The following GLYCTK variants were observed in gnomAD, a reference collection of about 807,000 sequenced individuals.
The protein encoded by GLYCTK is HBeAg binding protein 4.
A neutral mutation model predicts 24.8 loss-of-function variants in GLYCTK; 22 were observed. The ratio of observed to expected loss-of-function variants is 0.89; its 90% CI spans 0.63 to 1.27. The LOEUF (loss-of-function observed/expected upper bound fraction) is 1.27, where lower values mean the gene tolerates loss of function less well. GLYCTK is among the 50% of genes most tolerant of loss of function. GLYCTK has a pLI of 0.00. For missense variants in GLYCTK, 684 were observed against 686.7 expected, an observed-to-expected ratio of 1.00 and a Z score of 0.04; for synonymous variants, 320 against 297.2, an observed-to-expected ratio of 1.08 and a Z score of -0.79.
rs964613249 is a variant in GLYCTK at position 52,293,906 on chromosome 3, A to G, written c.*780A>G. 5 of 453,918 alleles carry G rather than the reference A, an allele frequency of 1.1e-5. No homozygotes were observed. Among genetic ancestry groups the G allele is most frequent in the African/African-American group, 1.0e-4 (5 of 50,002 alleles). 28.1% of individuals were successfully genotyped at this position (453,918 alleles called of 1,614,324 possible). A position where few individuals can be genotyped will look rare whatever the true frequency, so the allele number is the denominator to read the frequency against. On this transcript the variant is annotated 3_prime_UTR_variant, in exon 5 of 5. Coordinates refer to ENST00000436784, the MANE Select transcript of GLYCTK (RefSeq NM_145262.4). ...TGAGCTGAAGTTTGTCCCACCCCCCAGTGCTGTTTCCTTGTGACAGCCCTT... is the reference window on the plus strand; with the variant it reads ...TGAGCTGAAGTTTGTCCCACCCCCCGGTGCTGTTTCCTTGTGACAGCCCTT...
At position 52,292,652 on chromosome 3, in the gene GLYCTK, T is replaced by C. The variant is rs1460893254; in HGVS notation, c.1098T>C (p.Ala366=). The change falls in exon 5 of 5, where the codon GCT becomes GCC. Residue 366 remains alanine, a synonymous_variant. Coordinates refer to ENST00000436784, the MANE Select transcript of GLYCTK (RefSeq NM_145262.4). ...GCCTCACCCCATCCATGGCTGGGGC[T>C]TCTGTGGAGGAAGATGCACAGCTCC... ...RTRLTPSMAG[A]SVEEDAQLHE... 7 of 1,606,566 alleles carry C rather than the reference T, an allele frequency of 4.4e-6. No individual in the cohort carries two copies. The highest frequency in any genetic ancestry group is 6.0e-6 in the Non-Finnish European group (7 of 1,174,564).
At position 52,290,520 on chromosome 3, in the gene GLYCTK, T is replaced by C. The variant is rs868840200; in HGVS notation, c.178T>C (p.Ser60Pro). ...LPGPMLHRAL[S>P]LDPGGRQLKV... ...GGGCCCCATGCTGCACCGGGCACTA[T>C]CCTTGGACCCTGGTGGCAGACAGCT... The change falls in exon 2 of 5, where the codon TCC becomes CCC. Residue 60 changes from serine to proline, a missense_variant. Transcript: ENST00000436784. 1 of 1,613,572 alleles carries C rather than the reference T, an allele frequency of 6.2e-7. No homozygotes were observed.
rs1700463685 is a variant in GLYCTK, at chr3:52,291,356, A to G, written c.529+245A>G. 7.8e-5 allele frequency: 47 copies of G among 600,206 alleles called. 1 individual carries two copies. In the South Asian group the frequency reaches 9.2e-4, roughly 12 times the overall value. 37.2% of individuals were successfully genotyped at this position (600,206 alleles called of 1,614,324 possible). On this transcript the variant is annotated intron_variant, in intron 3 of 4. Transcript: ENST00000436784. Reference sequence around the variant, plus strand: ...CAGTGAGAGGGTGCATGGGGAGCACATAATGCAGGGCCTGACACATCCGTA... The same window carrying G: ...CAGTGAGAGGGTGCATGGGGAGCACGTAATGCAGGGCCTGACACATCCGTA...
At chr3:52,291,494 C>T in intron 3 of GLYCTK, 2 of 586,212 alleles carry the variant, frequency 3.4e-6, no homozygotes, top group Non-Finnish European at 6.1e-6. Flanking sequence ...GTGCCCCCTG[C>T]CCTGCCTCCT....
rs1380313212 is a variant in GLYCTK, at chr3:52,293,289, A to G, written c.*163A>G. 1.2e-5 allele frequency: 9 copies of G among 757,984 alleles called. No homozygotes were observed. Among genetic ancestry groups the G allele is most frequent in the Non-Finnish European group, 1.8e-5 (8 of 436,542 alleles). 47.0% of individuals were successfully genotyped at this position (757,984 alleles called of 1,614,324 possible). A position where few individuals can be genotyped will look rare whatever the true frequency, so the allele number is the denominator to read the frequency against. On this transcript the variant is annotated 3_prime_UTR_variant, in exon 5 of 5. Transcript: ENST00000436784. ...ACCTTCCACTCAGGGCCTCTGCTCT[A>G]TATCTATTCCCTTCCAGCCAGACTG...
At chr3:52,290,193 C>CT in intron 1 of GLYCTK, 111 bp from the exon 2 acceptor site, 1 of 860,586 alleles carries the variant, frequency 1.2e-6, no homozygotes, top group Non-Finnish European at 1.7e-6. Context: ...ATGGCTCCTT[C>CT]TTGTAGCAGC....
rs1227710667 is a variant in GLYCTK at position 52,292,269 on chromosome 3, C to T, written c.715C>T (p.Leu239Phe). ...GGTGGCCCTTCCCCAGGTGGTGAGC[C>T]TCATCCTGTCAGATGTGGTGGGGGA... ...QAAYPAQVVSLILSDVVGDPV... is the reference protein window; with the variant it reads ...QAAYPAQVVSFILSDVVGDPV... Residue 239 changes from leucine (L) to phenylalanine (F), a missense_variant, in exon 5 of 5, where the codon CTC (leucine) becomes TTC (phenylalanine). Transcript: ENST00000436784. 2.5e-6 allele frequency: 4 copies of T among 1,613,960 alleles called. No individual in the cohort carries two copies. In the Admixed American group the frequency reaches 5.0e-5, roughly 20 times the overall value.
In GLYCTK at chr3:52,293,350, G is replaced by T. The variant is rs911399155; in HGVS notation, c.*224G>T. ...GCTTCCCCCTACCCCTGAGGATGAG[G>T]ACAAGCCCCTCGGCCAGTTCAGCGT... is the stretch of plus-strand genomic sequence containing the variant. On this transcript the variant is annotated 3_prime_UTR_variant, in exon 5 of 5. Transcript: ENST00000436784. 1.6e-5 allele frequency: 11 copies of T among 699,636 alleles called. No homozygotes were observed. In the Admixed American group the frequency reaches 1.8e-4, roughly 12 times the overall value. 43.3% of individuals were successfully genotyped at this position (699,636 alleles called of 1,614,324 possible).
chr3:52,293,634 G>C lies in GLYCTK; in HGVS notation c.*508G>C, dbSNP rs772413663. ...GATGTGCCTCGCATAACGGGAGCCT[G>C]TGCCCATCCCTCTGGAGTGTGTGAG... is the stretch of plus-strand genomic sequence containing the variant. On this transcript the variant is annotated 3_prime_UTR_variant, in exon 5 of 5. Coordinates refer to ENST00000436784, the MANE Select transcript of GLYCTK (RefSeq NM_145262.4). 1 of 454,552 alleles carries C rather than the reference G, an allele frequency of 2.2e-6. No individual in the cohort carries two copies. The highest frequency in any genetic ancestry group is 4.4e-6 in the Non-Finnish European group (1 of 227,152). 28.2% of individuals were successfully genotyped at this position (454,552 alleles called of 1,614,324 possible).
chr3:52,291,061 A>G lies in GLYCTK; in HGVS notation c.479A>G (p.Gln160Arg). 1 of 1,613,432 alleles carries G rather than the reference A, an allele frequency of 6.2e-7. No homozygotes were observed. Among genetic ancestry groups the G allele is most frequent in the East Asian group, 2.2e-5 (1 of 44,882 alleles). ...DALRAALAIQ[Q>R]LAEGLTADDL... Reference sequence around the variant, plus strand: ...CTGCGGGCTGCACTGGCCATCCAGCAACTGGCTGAGGGACTCACAGCTGAT... The same window carrying G: ...CTGCGGGCTGCACTGGCCATCCAGCGACTGGCTGAGGGACTCACAGCTGAT... The change falls in exon 3 of 5, where the codon CAA becomes CGA. Residue 160 changes from glutamine to arginine, a missense_variant. Gln to Arg is a conservative substitution (Grantham distance 43). Transcript: ENST00000436784.
chr3:52,292,519 A>G lies in GLYCTK; in HGVS notation c.965A>G (p.Gln322Arg). Residue 322 changes from glutamine to arginine, a missense_variant, in exon 5 of 5, where the codon CAG (glutamine) becomes CGG (arginine). Transcript: ENST00000436784. ...CTGGCGCTAGCTGAGGCCCAGCGGC[A>G]GGCCGAGGCACTGGGCTACCAGGCT... ...NVLALAEAQR[Q>R]AEALGYQAVV... The G allele has an allele frequency of 1.2e-6, 2 of 1,613,802 alleles. No individual in the cohort carries two copies. Among genetic ancestry groups the G allele is most frequent in the Admixed American group, 1.7e-5 (1 of 60,020 alleles).
At position 52,293,958 on chromosome 3, in the gene GLYCTK, T is replaced by G. The variant is rs1194173035; in HGVS notation, c.*832T>G. The G allele has an allele frequency of 4.5e-6, 2 of 447,928 alleles. No homozygotes were observed. Among genetic ancestry groups the G allele is most frequent in the South Asian group, 3.1e-5 (2 of 63,822 alleles). 27.7% of individuals were successfully genotyped at this position (447,928 alleles called of 1,614,324 possible). On this transcript the variant is annotated 3_prime_UTR_variant, in exon 5 of 5. Transcript: ENST00000436784. The stretch of plus-strand genomic sequence containing the variant: ...TCCTAGGCTGAACATCCCTAGTTCC[T>G]TCAGCCACTCCTCTGGGGACCAAGT...
rs1364910189 is a variant in GLYCTK at position 52,293,465 on chromosome 3, C to T, written c.*339C>T. Reference sequence around the variant, plus strand: ...GAGAATGTCTGAAAATAAATAGGACCATGCCATGGGTTCTCAGTGCGCCTT... The same window carrying T: ...GAGAATGTCTGAAAATAAATAGGACTATGCCATGGGTTCTCAGTGCGCCTT... On this transcript the variant is annotated 3_prime_UTR_variant, in exon 5 of 5. Coordinates refer to ENST00000436784, the MANE Select transcript of GLYCTK (RefSeq NM_145262.4). 3.8e-6 allele frequency: 2 copies of T among 525,766 alleles called. No individual in the cohort carries two copies. Among genetic ancestry groups the T allele is most frequent in the African/African-American group, 1.9e-5 (1 of 52,836 alleles). 32.6% of individuals were successfully genotyped at this position (525,766 alleles called of 1,614,324 possible).
At position 52,294,737 on chromosome 3, in the gene GLYCTK, T is replaced by C; in HGVS notation, c.*1611T>C. Reference sequence around the variant, plus strand: ...CCTGTTCCTGCCTCAGTCCTTGCTCTTGGGAGCATGAGTATTGGCACTGGG... The same window carrying C: ...CCTGTTCCTGCCTCAGTCCTTGCTCCTGGGAGCATGAGTATTGGCACTGGG... On this transcript the variant is annotated 3_prime_UTR_variant, in exon 5 of 5. Transcript: ENST00000436784. 2.2e-6 allele frequency: 1 copy of C among 447,800 alleles called. No homozygotes were observed. Among genetic ancestry groups the C allele is most frequent in the Non-Finnish European group, 4.5e-6 (1 of 222,206 alleles). The allele number at this position is 447,800 out of a possible 1,614,324, so 27.7% of individuals were successfully genotyped here. A position where few individuals can be genotyped will look rare whatever the true frequency, so the allele number is the denominator to read the frequency against.
chr3:52,293,540 C>G lies in GLYCTK; in HGVS notation c.*414C>G, dbSNP rs777117651. On this transcript the variant is annotated 3_prime_UTR_variant, in exon 5 of 5. Transcript: ENST00000436784. ...GAGCCGCTGGGAGGGGAGCGTGGTA[C>G]GGCTGCAGCCACAGTACCAGGGCCT... is the stretch of plus-strand genomic sequence containing the variant. 2.2e-6 allele frequency: 1 copy of G among 464,472 alleles called. No individual in the cohort carries two copies. Among genetic ancestry groups the G allele is most frequent in the Admixed American group, 2.3e-5 (1 of 42,834 alleles). The allele number at this position is 464,472 out of a possible 1,614,324, so 28.8% of individuals were successfully genotyped here.
At position 52,291,017 on chromosome 3, in the gene GLYCTK, C is replaced by G. The variant is rs750686314; in HGVS notation, c.435C>G (p.Asn145Lys). 7 of 1,613,880 alleles carry G rather than the reference C, an allele frequency of 4.3e-6. No individual in the cohort carries two copies. In the Admixed American group the frequency reaches 1.2e-4, roughly 27 times the overall value. Residue 145 changes from asparagine (N) to lysine (K), a missense_variant, in exon 3 of 5, where the codon AAC becomes AAG. By Grantham distance (94) the Asn-to-Lys change is moderately conservative. Coordinates refer to ENST00000436784, the MANE Select transcript of GLYCTK (RefSeq NM_145262.4). The stretch of plus-strand genomic sequence containing the variant: ...AGGTATTCGAGGGTGCGGAGGACAA[C>G]CTCCCGGACCGCGATGCGCTGCGGG... The part of the protein sequence containing the change: ...RVQVFEGAED[N>K]LPDRDALRAA...
chr3:52,292,054 G>A, intron 4 of GLYCTK, 132 bp downstream of exon 4: 1 of 1,141,214 alleles, frequency 8.8e-7, no homozygotes, highest in Non-Finnish European at 1.3e-6. Flanking sequence ...CCGGCTGGGT[G>A]ACATCATGGG....
chr3:52,295,027 C>T lies in GLYCTK; in HGVS notation c.*1901C>T, dbSNP rs1046635493. ...AGGTTCCCCCTGCTCTACATTGACC[C>T]CTTCCCTATACTTCTGTTTGTAGGG... is the stretch of plus-strand genomic sequence containing the variant. On this transcript the variant is annotated 3_prime_UTR_variant, in exon 5 of 5. Coordinates refer to ENST00000436784, the MANE Select transcript of GLYCTK (RefSeq NM_145262.4). The T allele has an allele frequency of 1.1e-5, 5 of 453,930 alleles. No individual in the cohort carries two copies. Among genetic ancestry groups the T allele is most frequent in the African/African-American group, 2.0e-5 (1 of 49,974 alleles). The allele number at this position is 453,930 out of a possible 1,614,324, so 28.1% of individuals were successfully genotyped here. A position where few individuals can be genotyped will look rare whatever the true frequency, so the allele number is the denominator to read the frequency against.
chr3:52,294,664 T>C lies in GLYCTK; in HGVS notation c.*1538T>C, dbSNP rs1367257978. 4.5e-6 allele frequency: 2 copies of C among 445,760 alleles called. No individual in the cohort carries two copies. Among genetic ancestry groups the C allele is most frequent in the Admixed American group, 4.8e-5 (2 of 41,946 alleles). The allele number at this position is 445,760 out of a possible 1,614,324, so 27.6% of individuals were successfully genotyped here. A position where few individuals can be genotyped will look rare whatever the true frequency, so the allele number is the denominator to read the frequency against. ...ACAGTCTCTGGGGTTATGGTGATCC[T>C]CGCATGATCCTGTGCCGTGGTGCTC... On this transcript the variant is annotated 3_prime_UTR_variant, in exon 5 of 5. Coordinates refer to ENST00000436784, the MANE Select transcript of GLYCTK (RefSeq NM_145262.4).
Sources: allele counts gnomAD v4.1 joint callset, GRCh38; gene constraint gnomAD v4.1.1; transcripts MANE v1.5; gene names NCBI Gene and HGNC (gene_info 2026-07-23, HGNC 2026-07-21).